Variants in SVOP observed in about 807,000 individuals in gnomAD.
The protein encoded by SVOP is SV2 related protein, also known as synaptic vesicle 2-related protein.
A neutral mutation model predicts 69.1 loss-of-function variants in SVOP; 17 were observed. The observed-to-expected ratio is 0.25, with a 90% confidence interval of 0.17 to 0.37. The LOEUF is 0.37. Among genes scored for constraint, SVOP ranks in the 10% least tolerant of loss-of-function variants. SVOP has a pLI of 1.00. For missense variants in SVOP, 435 were observed against 597.5 expected, an observed-to-expected ratio of 0.73 and a Z score of 2.84; for synonymous variants, 238 against 238.6, an observed-to-expected ratio of 1.00 and a Z score of 0.02.
At chr12:108,962,737 C>T (rs1247511242) in intron 5 of SVOP, among the ~76,000 whole-genome samples, 1 of 152,002 alleles carries the variant, frequency 6.6e-6, no homozygotes, top group East Asian at 1.9e-4. Flanking sequence ...AGGCTGAGGC[C>T]GGGGATCACT....
At chr12:108,954,582 T>C (rs1359597103) in intron 6 of SVOP, among the ~76,000 whole-genome samples, 1 of 152,224 alleles carries the variant, frequency 6.6e-6, no homozygotes, top group African/African-American at 2.4e-5. Context: ...GTCCTCTTTG[T>C]AGTCCCGCCC....
intron 6 of SVOP, among the ~76,000 whole-genome samples, chr12:108,949,692 T>G (rs554301683): frequency 6.6e-6 from 1 of 151,976 alleles, no homozygotes; most frequent in South Asian, 2.1e-4. Flanking sequence ...CTCCCTTACT[T>G]CTTTCCTTCT....
chr12:108,920,735 C>G lies in SVOP; in HGVS notation c.1157-949G>C, dbSNP rs2039743724. On this transcript the variant is annotated intron_variant, in intron 12 of 15. Coordinates refer to ENST00000610966, the MANE Select transcript of SVOP (RefSeq NM_018711.5). ...GCCTCAGCCTGCTGAGTAGCTGGGA[C>G]TACAGGTGCACGCCATCATGCCCAG... Among the ~76,000 whole-genome samples the G allele has an allele frequency of 1.3e-5, 2 of 151,562 alleles. 1 individual carries two copies. The highest frequency in any genetic ancestry group is 4.2e-4 in the South Asian group (2 of 4,804).
At chr12:108,953,529 CT>C (rs980198897) in intron 6 of SVOP, among the ~76,000 whole-genome samples, 2 of 152,176 alleles carry the variant, frequency 1.3e-5, no homozygotes, top group Non-Finnish European at 2.9e-5. Context: ...ACAGCAAAAT[CT>C]TTTTCATCTG....
intron 13 of SVOP, 45 bp downstream of exon 13, chr12:108,919,630 C>A: frequency 6.7e-7 from 1 of 1,498,726 alleles, no homozygotes; most frequent in South Asian, 1.2e-5. Context: ...GCACCCACAC[C>A]TCCACCTGTG....
At chr12:108,937,886 G>T (rs919099553) in intron 9 of SVOP, among the ~76,000 whole-genome samples, 1 of 152,188 alleles carries the variant, frequency 6.6e-6, no homozygotes, top group Non-Finnish European at 1.5e-5. Flanking sequence ...CAGGTGTGGT[G>T]GTTCGTGCCT....
At chr12:108,934,094 A>G (rs2039841131) in intron 11 of SVOP, 101 bp downstream of exon 11, 1 of 1,024,396 alleles carries the variant, frequency 9.8e-7, no homozygotes. Context: ...GTACAAGGCC[A>G]ATCCCTTAAG....
chr12:108,928,505 G>A (rs957536854), intron 11 of SVOP, among the ~76,000 whole-genome samples: 1 of 151,620 alleles, frequency 6.6e-6, no homozygotes, highest in African/African-American at 2.4e-5. Context: ...TGGAGAAGGG[G>A]CCTCTGACCT....
intron 10 of SVOP, among the ~76,000 whole-genome samples, chr12:108,936,085 G>T (rs1363762947): frequency 6.8e-6 from 1 of 147,464 alleles, no homozygotes; most frequent in Non-Finnish European, 1.5e-5. Flanking sequence ...TCACTCTGTT[G>T]CCCAGGCTGG....
At chr12:108,925,737 C>T (rs1379983012) in intron 11 of SVOP, among the ~76,000 whole-genome samples, 2 of 152,136 alleles carry the variant, frequency 1.3e-5, no homozygotes, top group Non-Finnish European at 2.9e-5. Flanking sequence ...GTAAGGCATG[C>T]ACCTGCCTCA....
intron 1 of SVOP, among the ~76,000 whole-genome samples, chr12:109,003,408 C>T (rs557783073): frequency 3.9e-5 from 6 of 152,296 alleles, no homozygotes; most frequent in South Asian, 2.1e-4. Flanking sequence ...GCTCTGCTTT[C>T]GTCTGTGAAG....
Position 108,911,090 on chromosome 12 carries a change from A to G in SVOP, c.*1445T>C, listed in dbSNP as rs767707059. 5 of 152,312 alleles carry G rather than the reference A, an allele frequency of 3.3e-5. No individual in the cohort carries two copies. The highest frequency in any genetic ancestry group is 4.8e-5 in the African/African-American group (2 of 41,556). The allele number at this position is 152,312 out of a possible 1,614,324, so 9.4% of individuals were successfully genotyped here. A position where few individuals can be genotyped will look rare whatever the true frequency, so the allele number is the denominator to read the frequency against. On this transcript the variant is annotated 3_prime_UTR_variant, in exon 16 of 16. Transcript: ENST00000610966. Reference sequence around the variant, plus strand: ...GAAGTGATGTTGCCTGCGGAGACCAACTCAAAACCAACTGGCCTCCCACTG... The same window carrying G: ...GAAGTGATGTTGCCTGCGGAGACCAGCTCAAAACCAACTGGCCTCCCACTG...
intron 1 of SVOP, among the ~76,000 whole-genome samples, chr12:109,004,229 G>GTA (rs1169968830): frequency 3.3e-5 from 5 of 151,964 alleles, no homozygotes; most frequent in Non-Finnish European, 5.9e-5. Context: ...TGTTGTATAT[G>GTA]TATATATATA....
chr12:108,946,614 TTCTA>T (rs948880763), intron 6 of SVOP, among the ~76,000 whole-genome samples: 6 of 151,610 alleles, frequency 4.0e-5, no homozygotes, highest in East Asian at 3.8e-4. Flanking sequence ...CTATCTTATC[TTCTA>T]TCTATCTATC....
At chr12:108,935,774 C>T (rs1188936631) in intron 10 of SVOP, among the ~76,000 whole-genome samples, 1 of 152,160 alleles carries the variant, frequency 6.6e-6, no homozygotes, top group African/African-American at 2.4e-5. Context: ...TGAAAGATGA[C>T]TGCAGCTCCA....
At chr12:108,955,617 G>T (rs2039981091) in intron 6 of SVOP, among the ~76,000 whole-genome samples, 1 of 152,186 alleles carries the variant, frequency 6.6e-6, no homozygotes, top group Non-Finnish European at 1.5e-5. Flanking sequence ...AGGAGGCTGG[G>T]AGTTTGCTCA....
At chr12:108,999,025 TAA>T (rs2040252904) in intron 1 of SVOP, among the ~76,000 whole-genome samples, 1 of 139,588 alleles carries the variant, frequency 7.2e-6, no homozygotes, top group Non-Finnish European at 1.6e-5. Context: ...GCAAATTGGA[TAA>T]AGAGTCAAGA....
At chr12:108,916,180 T>C (rs1377703686) in intron 14 of SVOP, among the ~76,000 whole-genome samples, 3 of 152,250 alleles carry the variant, frequency 2.0e-5, no homozygotes, top group Admixed American at 1.3e-4. Context: ...GGTTGCTCTC[T>C]ACCTTCTTCT....
chr12:108,937,679 G>A (rs1371539894), intron 9 of SVOP, among the ~76,000 whole-genome samples: 1 of 152,098 alleles, frequency 6.6e-6, no homozygotes, highest in Non-Finnish European at 1.5e-5. Context: ...AGCATGTCCA[G>A]CCATTTCACA....
Sources: gnomAD v4.1 joint callset for allele counts (sites outside exome capture counted in the v4.1 genomes callset) on GRCh38, gnomAD v4.1.1 for gene constraint, MANE v1.5 for transcripts, NCBI Gene and HGNC (gene_info 2026-07-23, HGNC 2026-07-21) for gene names.